Variants in RPTOR observed in about 807,000 individuals in gnomAD.
RPTOR encodes the protein regulatory-associated protein of mTOR.
In RPTOR, 21 loss-of-function variants were observed where a neutral mutation model predicts 169.9. The ratio of observed to expected loss-of-function variants is 0.12; its 90% CI spans 0.09 to 0.18. RPTOR has a LOEUF of 0.18. Among genes scored for constraint, RPTOR ranks in the 10% least tolerant of loss-of-function variants. The probability of loss-of-function intolerance (pLI) is 1.00; values close to 1 mark genes in which losing one functional copy is unlikely to be tolerated. For missense variants in RPTOR, 1,133 were observed against 1,855.9 expected (o/e 0.61, Z 7.16); for synonymous variants, 732 against 753.2 (o/e 0.97, Z 0.46).
chr17:80,673,492 C>A (rs2065837754), intron 3 of RPTOR, among the ~76,000 whole-genome samples: 1 of 152,346 alleles, frequency 6.6e-6, no homozygotes, highest in East Asian at 1.9e-4. Flanking sequence ...CTTTCTCAAA[C>A]ACTCGTAACA....
At chr17:80,783,500 T>G (rs114530042) in intron 6 of RPTOR, among the ~76,000 whole-genome samples, 207 of 152,380 alleles carry the variant, frequency 1.4e-3, no homozygotes, top group Middle Eastern at 6.8e-3. Flanking sequence ...ACTGACATTT[T>G]TCTTATAACC....
chr17:80,903,809 G>GA (rs2068506940), intron 20 of RPTOR, among the ~76,000 whole-genome samples: 3 of 152,202 alleles, frequency 2.0e-5, no homozygotes, highest in South Asian at 2.1e-4. Flanking sequence ...TGCCTTTGCA[G>GA]AAAAAAAGCC....
chr17:80,681,571 ACACCTTCATGAGGTGTACGT>A (rs1567854274), intron 3 of RPTOR, among the ~76,000 whole-genome samples: 246 of 142,652 alleles, frequency 1.7e-3, no homozygotes, highest in African/African-American at 6.2e-3. Flanking sequence ...TAGTTCTCTT[ACACCTTCATGAGGTGTACGT>A]CTCTTACACC....
chr17:80,758,142 A>T (rs2066699769), intron 6 of RPTOR, among the ~76,000 whole-genome samples: 1 of 152,226 alleles, frequency 6.6e-6, no homozygotes, highest in Non-Finnish European at 1.5e-5. Context: ...ATGTGGCTTG[A>T]AAATTCATGA....
chr17:80,862,021 A>G (rs929762025), intron 13 of RPTOR, among the ~76,000 whole-genome samples: 5 of 152,162 alleles, frequency 3.3e-5, no homozygotes, highest in African/African-American at 1.2e-4. Flanking sequence ...GAACGTGGCC[A>G]TGAGCACGGA....
At chr17:80,652,169 TAAAAA>T (rs761547941) in intron 3 of RPTOR, among the ~76,000 whole-genome samples, 2 of 139,348 alleles carry the variant, frequency 1.4e-5, no homozygotes, top group African/African-American at 5.2e-5. Flanking sequence ...GACTCCATCT[TAAAAA>T]AAAAAAAAAA....
At chr17:80,677,981 A>G (rs9901333) in intron 3 of RPTOR, among the ~76,000 whole-genome samples, 34,678 of 152,166 alleles carry the variant, frequency 0.23, 4,024 homozygotes, top group East Asian at 0.3. Context: ...TCCTGTCTCC[A>G]AAGTATTTCC....
intron 3 of RPTOR, among the ~76,000 whole-genome samples, chr17:80,654,364 C>T (rs181459932): frequency 3.9e-5 from 6 of 152,354 alleles, no homozygotes; most frequent in Admixed American, 2.0e-4. Context: ...TGAGGGTGCT[C>T]CCCTCGGTGG....
chr17:80,673,754 T>C (rs1213414798), intron 3 of RPTOR, among the ~76,000 whole-genome samples: 2 of 152,358 alleles, frequency 1.3e-5, no homozygotes, highest in Non-Finnish European at 2.9e-5. Flanking sequence ...GATTTCTGTC[T>C]AAAGCTCTGC....
intron 1 of RPTOR, among the ~76,000 whole-genome samples, chr17:80,578,562 GA>G (rs376457331): frequency 1.3e-5 from 2 of 152,318 alleles, no homozygotes; most frequent in African/African-American, 4.8e-5. Flanking sequence ...ATCCAGTAAA[GA>G]AGACAGAAAA....
intron 24 of RPTOR, among the ~76,000 whole-genome samples, chr17:80,929,817 T>C (rs1302249731): frequency 6.6e-6 from 1 of 152,208 alleles, no homozygotes; most frequent in African/African-American, 2.4e-5. Flanking sequence ...CTTTTCTCAC[T>C]ATGCAGTGAA....
chr17:80,862,598 AGCTCCGCCCACCATGATGTCT>A (rs1176614669), intron 13 of RPTOR, among the ~76,000 whole-genome samples: 2 of 103,658 alleles, frequency 1.9e-5, no homozygotes, highest in East Asian at 4.7e-4. Context: ...GGTCCTCTGG[AGCTCCGCCCACCATGATGTCT>A]GCTCCGCCCC....
chr17:80,723,318 A>G lies in RPTOR; in HGVS notation c.508-7242A>G, dbSNP rs536597591. On this transcript the variant is annotated intron_variant, in intron 4 of 33. Transcript: ENST00000306801. Reference sequence around the variant, plus strand: ...ATTCTAACATTCATGTGTAATTACTATCCTGGTGTTCTAATGGTGGTGCTG... The same window carrying G: ...ATTCTAACATTCATGTGTAATTACTGTCCTGGTGTTCTAATGGTGGTGCTG... Among the ~76,000 whole-genome samples the G allele has an allele frequency of 4.0e-5, 6 of 151,256 alleles. No homozygotes were observed. In the South Asian group the frequency reaches 1.0e-3, roughly 26 times the overall value.
chr17:80,739,728 T>G (rs1443425739), intron 5 of RPTOR, among the ~76,000 whole-genome samples: 1 of 150,880 alleles, frequency 6.6e-6, no homozygotes, highest in Non-Finnish European at 1.5e-5. Flanking sequence ...CAAGGGAAAT[T>G]AAAAAAAAAT....
intron 2 of RPTOR, among the ~76,000 whole-genome samples, chr17:80,640,110 T>C (rs546208013): frequency 6.8e-6 from 1 of 147,622 alleles, no homozygotes; most frequent in South Asian, 2.1e-4. Context: ...CAAATACCAT[T>C]TACCATCTCC....
intron 1 of RPTOR, among the ~76,000 whole-genome samples, chr17:80,591,312 T>C (rs906054192): frequency 5.6e-5 from 8 of 141,650 alleles, no homozygotes; most frequent in African/African-American, 2.1e-4. Flanking sequence ...CTCCTCTCCT[T>C]CTTTCTTTTC....
chr17:80,923,381 C>T (rs2068770700), intron 22 of RPTOR, 109 bp from the exon 23 acceptor site: 2 of 1,242,284 alleles, frequency 1.6e-6, no homozygotes, highest in African/African-American at 1.5e-5. Flanking sequence ...CACCCCGGGC[C>T]CTGGTGGCAC....
intron 6 of RPTOR, among the ~76,000 whole-genome samples, chr17:80,768,366 G>T (rs116225263): frequency 6.6e-6 from 1 of 152,174 alleles, no homozygotes; most frequent in Non-Finnish European, 1.5e-5. Context: ...GAATGCATCC[G>T]TGTGTAATGT....
At chr17:80,923,011 T>C (rs751728908) in intron 22 of RPTOR, among the ~76,000 whole-genome samples, 184 bp downstream of exon 22, 58 of 152,302 alleles carry the variant, frequency 3.8e-4, no homozygotes, top group South Asian at 1.0e-3. Context: ...CCGCCTGATC[T>C]GAGCCCTGCC....
Sources: gnomAD v4.1 joint callset for allele counts (sites outside exome capture counted in the v4.1 genomes callset) on GRCh38, gnomAD v4.1.1 for gene constraint, MANE v1.5 for transcripts, NCBI Gene and HGNC (gene_info 2026-07-23, HGNC 2026-07-21) for gene names.